The following HR variants were observed in gnomAD, a reference collection of about 807,000 sequenced individuals.
HR encodes the protein lysine-specific demethylase hairless.
HR carries 83 observed loss-of-function variants against 128.6 expected under a neutral mutation model. The ratio of observed to expected loss-of-function variants is 0.65; its 90% confidence interval spans 0.54 to 0.77. The LOEUF (loss-of-function observed/expected upper bound fraction) is 0.77. Among genes scored for constraint, HR ranks in the 30% least tolerant of loss-of-function variants. The pLI is 0.00. For missense variants in HR, 1,490 were observed against 1,574.6 expected (o/e 0.95, Z 0.91); for synonymous variants, 681 against 658.2 (o/e 1.03, Z -0.53).
At position 22,128,832 on chromosome 8, in the gene HR, T is replaced by C; in HGVS notation, c.339A>G (p.Pro113=). Reference sequence around the variant, plus strand: ...GGGGGCCACAGCGAGGTGGGCACGCTGGCCCGCAGAATGCCAGCGGATGGG... The same window carrying C: ...GGGGGCCACAGCGAGGTGGGCACGCCGGCCCGCAGAATGCCAGCGGATGGG... ...MLTHPLAFCG[P]ACPPRCGPLM... is the part of the protein sequence containing the mutation. The change falls in exon 2 of 19, where the codon CCA becomes CCG. Residue 113 remains proline (P), a synonymous_variant. Transcript: ENST00000381418. The C allele has an allele frequency of 6.2e-7, 1 of 1,613,368 alleles. No individual in the cohort carries two copies. Among genetic ancestry groups the C allele is most frequent in the Non-Finnish European group, 8.5e-7 (1 of 1,179,990 alleles).
chr8:22,119,187 G>C lies in HR; in HGVS notation c.3074C>G (p.Pro1025Arg), dbSNP rs1826670411. ...ACCTTTCTGTGCCCGGTGCCAGGCA[G>C]GCAGTGGTGTGTCGGCATGCACCAG... is the stretch of plus-strand genomic sequence containing the variant. ...SILVHADTPL[P>R]AWHRAQKDFL... is the part of the protein sequence containing the mutation. The change falls in exon 15 of 19, where the codon CCT becomes CGT. Residue 1025 changes from proline (P) to arginine (R), a missense_variant. Around this residue, in one of 3 missense-constraint regions of HR, gnomAD observed 423 missense variants for 495.9 expected, o/e 0.85. Coordinates refer to ENST00000381418, the MANE Select transcript of HR (RefSeq NM_005144.5). The C allele has an allele frequency of 6.2e-7, 1 of 1,613,804 alleles. No individual in the cohort carries two copies. Among genetic ancestry groups the C allele is most frequent in the Admixed American group, 1.7e-5 (1 of 60,006 alleles).
At position 22,120,305 on chromosome 8, in the gene HR, C is replaced by G. The variant is rs1437642933; in HGVS notation, c.2776+37G>C. 3 of 1,613,496 alleles carry G rather than the reference C, an allele frequency of 1.9e-6. No homozygotes were observed. The African/African-American group carries it at 4.0e-5, about 22-fold the overall frequency. ...TGCCACCCGATCCCTAGGGCTTGGG[C>G]TCCCAGCTCCCTCTCCCCTGTGTTG... On this transcript the variant is annotated intron_variant, in intron 12 of 18. Coordinates refer to ENST00000381418, the MANE Select transcript of HR (RefSeq NM_005144.5).
At chr8:22,124,082 C>T (rs1826826559) in intron 5 of HR, among the ~76,000 whole-genome samples, 3 of 151,926 alleles carry the variant, frequency 2.0e-5, no homozygotes, top group African/African-American at 7.2e-5. Flanking sequence ...TGCCCCACAC[C>T]CAGCTCTGCC....
Position 22,128,785 on chromosome 8 carries a change from C to A in HR, c.386G>T (p.Gly129Val). 6.2e-7 allele frequency: 1 copy of A among 1,611,172 alleles called. No individual in the cohort carries two copies. Among genetic ancestry groups the A allele is most frequent in the Non-Finnish European group, 8.5e-7 (1 of 1,179,098 alleles). The change falls in exon 2 of 19, where the codon GGC becomes GTC. Residue 129 changes from glycine to valine, a missense_variant. This residue lies in a region of HR where 1,060 missense variants were observed against 1,060.9 expected (regional missense o/e 1.00). Transcript: ENST00000381418. ...CGPLMPEHSG[G>V]HLKSDPVAFR... ...GGCCACAGGGTCACTCTTGAGATGG[C>A]CACCACTATGCTCAGGCATCAGGGG...
At chr8:22,123,617 T>TTGGGGGCCCCCCCCCCCC in intron 6 of HR, 32 bp downstream of exon 6, 1 of 292,092 alleles carries the variant, frequency 3.4e-6, no homozygotes, top group Non-Finnish European at 6.2e-6. Flanking sequence ...GAGGGCTCCA[T>TTGGGGGCCCCCCCCCCCC]CCCGCCCTCC....
At chr8:22,124,879 C>T (rs960320792) in intron 5 of HR, among the ~76,000 whole-genome samples, 3 of 152,154 alleles carry the variant, frequency 2.0e-5, no homozygotes, top group Non-Finnish European at 4.4e-5. Context: ...GGGGCCTGGC[C>T]TGTCTGGGGC....
chr8:22,128,971 TGGGGGAAGCCA>T lies in HR; in HGVS notation c.189_199del (p.Phe65ProfsTer57). On this transcript the variant is annotated frameshift_variant, in exon 2 of 19. Transcript: ENST00000381418. LOFTEE classifies it high-confidence loss of function. ...AAGTGGGAGCATGTCCTTGGGGCCC[TGGGGGAAGCCA>T]GGGGGAAGCCAGGAGTCTGGGGTGC... 5 of 1,613,254 alleles carry T rather than the reference TGGGGGAAGCCA, an allele frequency of 3.1e-6. No homozygotes were observed. The highest frequency in any genetic ancestry group is 1.6e-4 in the Middle Eastern group (1 of 6,062).
At chr8:22,124,009 G>C (rs1826824732) in intron 5 of HR, among the ~76,000 whole-genome samples, 196 bp from the exon 6 acceptor site, 1 of 152,134 alleles carries the variant, frequency 6.6e-6, no homozygotes. Context: ...GAGCCTCCTT[G>C]TAGAAACTAT....
In HR at chr8:22,125,649, A is replaced by G. The variant is rs1320503389; in HGVS notation, c.1489T>C (p.Cys497Arg). 8 of 1,612,916 alleles carry G rather than the reference A, an allele frequency of 5.0e-6. No homozygotes were observed. The South Asian group carries it at 7.7e-5, about 16-fold the overall frequency. ...CLALPAKLAQ[C>R]QSCAQAAGEG... ...CCAGCTGCCTGGGCACAACTTTGGCATTGAGCCAGTTTTGCAGGGAGAGCC... is the reference window on the plus strand; with the variant it reads ...CCAGCTGCCTGGGCACAACTTTGGCGTTGAGCCAGTTTTGCAGGGAGAGCC... Residue 497 changes from cysteine to arginine, a missense_variant, in exon 4 of 19, where the codon TGC becomes CGC. By Grantham distance (180) the Cys-to-Arg change is radical (BLOSUM62 -3). Coordinates refer to ENST00000381418, the MANE Select transcript of HR (RefSeq NM_005144.5).
intron 12 of HR, 55 bp from the exon 13 acceptor site, chr8:22,120,228 C>G: frequency 6.3e-7 from 1 of 1,598,424 alleles, no homozygotes; most frequent in East Asian, 2.3e-5. Context: ...GCCCCTGCCC[C>G]GGCGGCAGCA....
At chr8:22,117,125 G>A in intron 16 of HR, 86 bp from the exon 17 acceptor site, 2 of 1,339,320 alleles carry the variant, frequency 1.5e-6, no homozygotes, top group South Asian at 3.1e-5. Flanking sequence ...CCAGAGGCCA[G>A]GGGTGGAGAA....
chr8:22,128,472 T>A, intron 2 of HR, 87 bp downstream of exon 2: 1 of 1,564,654 alleles, frequency 6.4e-7, no homozygotes, highest in Non-Finnish European at 8.7e-7. Context: ...GCCTTCTCTT[T>A]TCATCACAGT....
chr8:22,122,361 A>G, intron 8 of HR, 132 bp downstream of exon 8: 1 of 664,080 alleles, frequency 1.5e-6, no homozygotes, highest in East Asian at 2.7e-5. Context: ...CCTGATCCCC[A>G]AGGTGGGAAT....
chr8:22,125,541 T>G, intron 4 of HR, 37 bp from the exon 5 acceptor site: 2 of 1,612,762 alleles, frequency 1.2e-6, no homozygotes, highest in Non-Finnish European at 1.7e-6. Context: ...CAGGGAGCCC[T>G]GGCGAGGGGG....
chr8:22,124,866 C>T (rs938213388), intron 5 of HR, among the ~76,000 whole-genome samples: 5 of 152,158 alleles, frequency 3.3e-5, no homozygotes, highest in African/African-American at 1.2e-4. Flanking sequence ...GAAGATGCAC[C>T]AAGGGGCCTG....
intron 10 of HR, 25 bp downstream of exon 10, chr8:22,121,040 G>T (rs1430068725): frequency 6.2e-7 from 1 of 1,613,262 alleles, no homozygotes; most frequent in South Asian, 1.1e-5. Context: ...CTGGCTCCTA[G>T]CCCTCCCTCC....
chr8:22,129,912 C>T (rs990167338), intron 1 of HR, among the ~76,000 whole-genome samples: 5 of 152,222 alleles, frequency 3.3e-5, no homozygotes, highest in African/African-American at 7.2e-5. Flanking sequence ...CTAGGAACCC[C>T]GCCCTGGCCC....
chr8:22,125,565 CA>C lies in HR; in HGVS notation c.1556+16del, dbSNP rs1826866340. The C allele has an allele frequency of 6.8e-6, 11 of 1,612,862 alleles. No individual in the cohort carries two copies. The highest frequency in any genetic ancestry group is 9.3e-6 in the Non-Finnish European group (11 of 1,179,634). ...CTGGCGAGGGGGCACTGGAGGTGTC[CA>C]GGGGCAATGGCTCACCTCCGCACTT... On this transcript the variant is annotated intron_variant, in intron 4 of 18. Transcript: ENST00000381418.
intron 13 of HR, 56 bp downstream of exon 13, chr8:22,120,048 C>T: frequency 6.4e-7 from 1 of 1,565,306 alleles, no homozygotes; most frequent in Non-Finnish European, 8.7e-7. Context: ...GAGGGCTGAA[C>T]CAGGCGGGGC....
Sources: allele counts gnomAD v4.1 joint callset (sites outside exome capture counted in the v4.1 genomes callset), GRCh38; gene constraint gnomAD v4.1.1; regional missense constraint gnomAD v4.1.1; transcripts MANE v1.5; gene names NCBI Gene and HGNC (gene_info 2026-07-23, HGNC 2026-07-21).